HECTD2: variants seen among roughly 807,000 people sequenced by gnomAD.
The protein encoded by HECTD2 is HECT domain E3 ubiquitin protein ligase 2.
A neutral mutation model predicts 103.2 loss-of-function variants in HECTD2; 35 were observed. The observed-to-expected ratio is 0.34, with a 90% CI of 0.26 to 0.45. The LOEUF (loss-of-function observed/expected upper bound fraction) is 0.45. Among genes scored for constraint, HECTD2 ranks in the 20% least tolerant of loss-of-function variants. HECTD2 has a pLI of 1.00. For missense variants in HECTD2, 596 were observed against 937.4 expected, an observed-to-expected ratio of 0.64 and a Z score of 4.76; for synonymous variants, 281 against 329.9, an observed-to-expected ratio of 0.85 and a Z score of 1.61.
At chr10:91,411,779 T>C (rs1391725560) in intron 1 of HECTD2, among the ~76,000 whole-genome samples, 1 of 152,252 alleles carries the variant, frequency 6.6e-6, no homozygotes, top group African/African-American at 2.4e-5. Flanking sequence ...GGGATTACCC[T>C]AGAAAATGCT....
At chr10:91,412,040 G>C (rs1842931765) in intron 1 of HECTD2, among the ~76,000 whole-genome samples, 1 of 152,192 alleles carries the variant, frequency 6.6e-6, no homozygotes, top group Non-Finnish European at 1.5e-5. Flanking sequence ...GAATTTGCAA[G>C]TGTGGATACA....
At chr10:91,457,319 T>C (rs574537696) in intron 2 of HECTD2, among the ~76,000 whole-genome samples, 4 of 152,092 alleles carry the variant, frequency 2.6e-5, no homozygotes, top group African/African-American at 9.6e-5. Context: ...AAGCTGGTAT[T>C]ACACTGATAA....
chr10:91,448,753 A>G (rs1319535593), intron 2 of HECTD2, among the ~76,000 whole-genome samples: 1 of 5,022 alleles, frequency 2.0e-4, no homozygotes, highest in Non-Finnish European at 3.8e-4. Flanking sequence ...GAACACCTCT[A>G]TGCAAATAAA....
intron 14 of HECTD2, among the ~76,000 whole-genome samples, chr10:91,495,115 T>C (rs572577560): frequency 4.6e-5 from 7 of 152,106 alleles, no homozygotes; most frequent in South Asian, 2.1e-4. Flanking sequence ...CACACAGATA[T>C]AAAACCTATA....
chr10:91,431,633 T>C (rs1281114672), intron 2 of HECTD2, among the ~76,000 whole-genome samples: 1 of 152,068 alleles, frequency 6.6e-6, no homozygotes, highest in African/African-American at 2.4e-5. Flanking sequence ...ATTCATTTCA[T>C]CTTCCATCAC....
intron 2 of HECTD2, among the ~76,000 whole-genome samples, chr10:91,455,139 C>T (rs1471628425): frequency 1.3e-5 from 2 of 152,164 alleles, no homozygotes; most frequent in East Asian, 1.9e-4. Flanking sequence ...CTTGAGGAAT[C>T]GCCACACTGT....
chr10:91,435,859 T>C (rs1277608213), intron 2 of HECTD2, among the ~76,000 whole-genome samples: 1 of 151,968 alleles, frequency 6.6e-6, no homozygotes, highest in African/African-American at 2.4e-5. Flanking sequence ...TCTCCTGTTA[T>C]TCAAAAGCCA....
At chr10:91,485,070 G>C in intron 9 of HECTD2, 110 bp from the exon 10 acceptor site, 1 of 656,336 alleles carries the variant, frequency 1.5e-6, no homozygotes, top group East Asian at 3.0e-5. Context: ...ATTTAAAATA[G>C]GAGTTTCTAG....
chr10:91,501,275 T>G lies in HECTD2; in HGVS notation c.2151T>G (p.Pro717=), dbSNP rs1326464706. ...LHFTTGSDRV[P]VGGMADLNFK... ...TTACTACAGGGAGTGACAGAGTACCTGTAGGAGGGATGGCTGATTTGAACT... is the reference window on the plus strand; with the variant it reads ...TTACTACAGGGAGTGACAGAGTACCGGTAGGAGGGATGGCTGATTTGAACT... Residue 717 remains proline (P), a synonymous_variant, in exon 20 of 21, where the codon CCT becomes CCG. Coordinates refer to ENST00000298068, the MANE Select transcript of HECTD2 (RefSeq NM_182765.6). 1 of 1,607,316 alleles carries G rather than the reference T, an allele frequency of 6.2e-7. No homozygotes were observed. Among genetic ancestry groups the G allele is most frequent in the Non-Finnish European group, 8.5e-7 (1 of 1,176,182 alleles).
intron 7 of HECTD2, among the ~76,000 whole-genome samples, chr10:91,481,506 C>T (rs1385815295): frequency 6.6e-6 from 1 of 151,354 alleles, no homozygotes; most frequent in Non-Finnish European, 1.5e-5. Flanking sequence ...TAACAGGCTT[C>T]AGGATTTTCT....
chr10:91,449,233 G>T (rs78154484), intron 2 of HECTD2, among the ~76,000 whole-genome samples: 1 of 152,144 alleles, frequency 6.6e-6, no homozygotes, highest in Non-Finnish European at 1.5e-5. Context: ...GGAATGCAAG[G>T]CTGGTTCAAC....
rs1485239165 is a variant in HECTD2, at chr10:91,513,800, C to G, written c.*1416C>G. The G allele has an allele frequency of 1.3e-5, 2 of 152,594 alleles. No homozygotes were observed. Among genetic ancestry groups the G allele is most frequent in the African/African-American group, 4.8e-5 (2 of 41,446 alleles). The allele number at this position is 152,594 out of a possible 1,614,324, so 9.5% of individuals were successfully genotyped here. A position where few individuals can be genotyped will look rare whatever the true frequency, so the allele number is the denominator to read the frequency against. ...CTATTTTCTTGCTATGCTTCCTGCA[C>G]CCAACCAGCAGAATTCTTCCAGGGT... On this transcript the variant is annotated 3_prime_UTR_variant, in exon 21 of 21. Transcript: ENST00000298068.
intron 2 of HECTD2, among the ~76,000 whole-genome samples, chr10:91,456,038 A>T (rs917680237): frequency 6.6e-6 from 1 of 152,196 alleles, no homozygotes; most frequent in Admixed American, 6.5e-5. Context: ...TTGGCTTAGG[A>T]TTGACTTAGC....
At chr10:91,416,311 AAAAC>A (rs1254196949) in intron 1 of HECTD2, among the ~76,000 whole-genome samples, 1 of 152,240 alleles carries the variant, frequency 6.6e-6, no homozygotes. Context: ...CATTTAGAAA[AAAAC>A]CTTGTACAAA....
chr10:91,490,924 TGAGAC>T (rs1846454694), intron 11 of HECTD2, among the ~76,000 whole-genome samples: 1 of 135,460 alleles, frequency 7.4e-6, no homozygotes, highest in East Asian at 2.1e-4. Context: ...AAAAAAGAGA[TGAGAC>T]ATACGGAAAC....
At chr10:91,435,398 G>T (rs1174511149) in intron 2 of HECTD2, among the ~76,000 whole-genome samples, 1 of 151,988 alleles carries the variant, frequency 6.6e-6, no homozygotes, top group African/African-American at 2.4e-5. Flanking sequence ...AGCTGAGTCA[G>T]CAGAGAAAGA....
intron 6 of HECTD2, among the ~76,000 whole-genome samples, chr10:91,479,711 G>C (rs1846025885): frequency 6.6e-6 from 1 of 152,104 alleles, no homozygotes; most frequent in Admixed American, 6.5e-5. Flanking sequence ...CTGCATCAGA[G>C]TATAAACATT....
intron 2 of HECTD2, among the ~76,000 whole-genome samples, chr10:91,455,669 T>A (rs1360945754): frequency 1.3e-5 from 2 of 152,080 alleles, no homozygotes; most frequent in East Asian, 3.9e-4. Context: ...CTGAATGGTA[T>A]TGCCTAGGTT....
chr10:91,461,333 C>A lies in HECTD2; in HGVS notation c.487C>A (p.Pro163Thr). The change falls in exon 4 of 21, where the codon CCA becomes ACA. Residue 163 changes from proline to threonine, a missense_variant. Around this residue, in one of 4 missense-constraint regions of HECTD2, gnomAD observed 220 missense variants for 233.9 expected, o/e 0.94. Transcript: ENST00000298068. The part of the protein sequence containing the change: ...DFYLTTFDSF[P>T]ELNAAFKKDA... Reference sequence around the variant, plus strand: ...TTATCTAACAACGTTTGATTCTTTCCCAGAATTAAATGCTGCATTTAAGGT... The same window carrying A: ...TTATCTAACAACGTTTGATTCTTTCACAGAATTAAATGCTGCATTTAAGGT... 2.0e-6 allele frequency: 3 copies of A among 1,522,740 alleles called. No individual in the cohort carries two copies. The highest frequency in any genetic ancestry group is 1.2e-5 in the South Asian group (1 of 81,814). The allele number at this position is 1,522,740 out of a possible 1,614,324, so 94.3% of individuals were successfully genotyped here.
Sources: allele counts gnomAD v4.1 joint callset (sites outside exome capture counted in the v4.1 genomes callset), GRCh38; gene constraint gnomAD v4.1.1; regional missense constraint gnomAD v4.1.1; transcripts MANE v1.5; gene names NCBI Gene and HGNC (gene_info 2026-07-23, HGNC 2026-07-21).